The following RGS22 variants were observed in gnomAD, a reference collection of about 807,000 sequenced individuals.
The protein encoded by RGS22 is regulator of G-protein signaling 22.
A neutral mutation model predicts 172.9 loss-of-function variants in RGS22; 148 were observed. The ratio of observed to expected loss-of-function variants is 0.86; its 90% CI spans 0.75 to 0.98. The LOEUF (loss-of-function observed/expected upper bound fraction) is 0.98. Ranked by LOEUF, RGS22 falls within the 50% of genes least tolerant of loss-of-function variation. The pLI is 0.00. For synonymous variants in RGS22, 458 were observed against 480.2 expected (o/e 0.95, Z 0.60); for missense variants, 1,347 against 1,440.8 (o/e 0.93, Z 1.05).
At chr8:100,048,400 T>C (rs1209625469) in intron 10 of RGS22, among the ~76,000 whole-genome samples, 1 of 152,180 alleles carries the variant, frequency 6.6e-6, no homozygotes, top group Non-Finnish European at 1.5e-5. Context: ...AAGTGATTTG[T>C]CTCTTCTCCA....
intron 23 of RGS22, 106 bp from the exon 24 acceptor site, chr8:99,965,536 G>A (rs1411995511): frequency 1.3e-6 from 1 of 784,870 alleles, no homozygotes; most frequent in Non-Finnish European, 2.1e-6. Flanking sequence ...ATTTCATAGT[G>A]AGTGCTGCAC....
In RGS22 at chr8:100,064,119, G is replaced by C; in HGVS notation, c.725-76C>G. 2.7e-6 allele frequency: 3 copies of C among 1,117,924 alleles called. 1 individual carries two copies. The East Asian group carries it at 7.6e-5, about 28-fold the overall frequency. 69.3% of individuals were successfully genotyped at this position (1,117,924 alleles called of 1,614,324 possible). On this transcript the variant is annotated intron_variant, in intron 7 of 27. Coordinates refer to ENST00000360863, the MANE Select transcript of RGS22 (RefSeq NM_015668.5). ...CTTATTATTAAATAGATGCTATAGA[G>C]CCAGAATGGCAAATGGGTTTATCAT...
intron 15 of RGS22, 80 bp downstream of exon 15, chr8:100,008,295 C>G: frequency 1.5e-6 from 2 of 1,378,536 alleles, no homozygotes; most frequent in Non-Finnish European, 2.0e-6. Flanking sequence ...GCCTCGGCCT[C>G]CCAAAGTGCT....
At chr8:99,985,486 C>T (rs6985209) in intron 21 of RGS22, among the ~76,000 whole-genome samples, 27,953 of 152,142 alleles carry the variant, frequency 0.18, 2,975 homozygotes, top group South Asian at 0.25. Flanking sequence ...TCCTCTGTGC[C>T]AAAACCATAC....
At chr8:100,088,532 C>A (rs568853042) in intron 3 of RGS22, among the ~76,000 whole-genome samples, 1 of 152,186 alleles carries the variant, frequency 6.6e-6, no homozygotes, top group African/African-American at 2.4e-5. Flanking sequence ...ACCTCCCAGA[C>A]ACCAAATGAA....
At chr8:100,099,801 C>A (rs949928784) in intron 2 of RGS22, among the ~76,000 whole-genome samples, 4 of 152,148 alleles carry the variant, frequency 2.6e-5, no homozygotes, top group African/African-American at 9.7e-5. Flanking sequence ...TTGTTCACAA[C>A]ACTTCTGGCC....
intron 22 of RGS22, among the ~76,000 whole-genome samples, chr8:99,978,645 C>T (rs143540761): frequency 5.1e-4 from 77 of 152,242 alleles, no homozygotes; most frequent in African/African-American, 1.9e-3. Context: ...AAAAGCAGAA[C>T]GGTATCCTGG....
chr8:100,004,054 G>A lies in RGS22; in HGVS notation c.2499C>T (p.Asn833=), dbSNP rs765774854. The A allele has an allele frequency of 7.5e-6, 12 of 1,606,840 alleles. No homozygotes were observed. Among genetic ancestry groups the A allele is most frequent in the Admixed American group, 5.1e-5 (3 of 59,218 alleles). Residue 833 remains asparagine, a synonymous_variant, in exon 17 of 28, where the codon AAC becomes AAT. Coordinates refer to ENST00000360863, the MANE Select transcript of RGS22 (RefSeq NM_015668.5). ...EIGTGILSLS[N]VSKRTEYWDN... ...CCCAATATTCTGTTCGTTTAGAGAC[G>A]TTAGAGAGTGATAAAATGCCAGTTC...
chr8:100,078,013 C>T (rs960420797), intron 4 of RGS22, among the ~76,000 whole-genome samples: 1 of 152,074 alleles, frequency 6.6e-6, no homozygotes, highest in Non-Finnish European at 1.5e-5. Context: ...CTGAGGGGTG[C>T]TTTGCCAGAT....
At chr8:100,077,906 G>A (rs769589602) in intron 4 of RGS22, among the ~76,000 whole-genome samples, 4 of 151,760 alleles carry the variant, frequency 2.6e-5, no homozygotes, top group Non-Finnish European at 4.4e-5. Flanking sequence ...TCTGTTGTTC[G>A]GTGCATATAT....
chr8:99,962,682 C>T lies in RGS22; in HGVS notation c.3790+5G>A, dbSNP rs1810334104. On this transcript the variant is annotated splice_donor_5th_base_variant and intron_variant, in intron 26 of 27. Transcript: ENST00000360863. The stretch of plus-strand genomic sequence containing the variant: ...AACTGAAGATAGACTACACTGGAAA[C>T]TCACTCTGGCTGCTGTGGGCAGACA... 6.3e-6 allele frequency: 10 copies of T among 1,594,576 alleles called. No individual in the cohort carries two copies. The highest frequency in any genetic ancestry group is 1.7e-4 in the Middle Eastern group (1 of 5,966).
At position 99,962,952 on chromosome 8, in the gene RGS22, T is replaced by C; in HGVS notation, c.3642A>G (p.Ile1214Met). Residue 1214 changes from isoleucine (I) to methionine (M), a missense_variant, in exon 25 of 28, where the codon ATA becomes ATG. Coordinates refer to ENST00000360863, the MANE Select transcript of RGS22 (RefSeq NM_015668.5). ...RQPTWCYSKY[I>M]EALEQERILL... ...GAATTCTCTCCTGTTCTAAGGCTTC[T>C]ATATACTTTGAGTAGCACCAGGTTG... 2 of 1,590,592 alleles carry C rather than the reference T, an allele frequency of 1.3e-6. No homozygotes were observed. The highest frequency in any genetic ancestry group is 1.7e-6 in the Non-Finnish European group (2 of 1,174,512).
At chr8:100,079,325 T>C (rs1319539502) in intron 4 of RGS22, among the ~76,000 whole-genome samples, 1 of 152,188 alleles carries the variant, frequency 6.6e-6, no homozygotes, top group East Asian at 1.9e-4. Flanking sequence ...AAGTTAAAGA[T>C]AGAAACTATT....
chr8:100,105,901 G>C lies in RGS22; in HGVS notation c.21C>G (p.Thr7=). The C allele has an allele frequency of 6.7e-7, 1 of 1,500,486 alleles. No individual in the cohort carries two copies. The highest frequency in any genetic ancestry group is 8.9e-7 in the Non-Finnish European group (1 of 1,127,032). The allele number at this position is 1,500,486 out of a possible 1,614,324, so 92.9% of individuals were successfully genotyped here. A position where few individuals can be genotyped will look rare whatever the true frequency, so the allele number is the denominator to read the frequency against. Residue 7 remains threonine, a synonymous_variant, in exon 1 of 28, where the codon ACC becomes ACG. Transcript: ENST00000360863. MPEKRL[T]AEPPTITEEE... is the part of the protein sequence containing the mutation. ...CCCTGTGGGGCCGCCACCTACCCGC[G>C]GTGAGCCTCTTCTCGGGCATGCCGT...
chr8:100,006,745 T>G (rs1029079946), intron 15 of RGS22, among the ~76,000 whole-genome samples: 2 of 152,086 alleles, frequency 1.3e-5, no homozygotes, highest in African/African-American at 4.8e-5. Context: ...TGGGAAAGAG[T>G]CTACAGAATA....
intron 4 of RGS22, among the ~76,000 whole-genome samples, chr8:100,079,153 T>C (rs1471205110): frequency 6.6e-6 from 1 of 152,232 alleles, no homozygotes; most frequent in African/African-American, 2.4e-5. Flanking sequence ...AAAATTTCTA[T>C]TCACTGAAGG....
At chr8:100,047,963 G>GC (rs1820901600) in intron 10 of RGS22, among the ~76,000 whole-genome samples, 1 of 19,772 alleles carries the variant, frequency 5.1e-5, no homozygotes, top group South Asian at 1.3e-3. Context: ...TGTGTGTACT[G>GC]GGGGGGGGTG....
At chr8:100,029,750 T>C (rs987383620) in intron 14 of RGS22, among the ~76,000 whole-genome samples, 1 of 146,132 alleles carries the variant, frequency 6.8e-6, no homozygotes, top group African/African-American at 2.5e-5. Context: ...GGCATGTGTA[T>C]ACCTATGTAA....
At chr8:99,984,887 T>G (rs150071413) in intron 21 of RGS22, among the ~76,000 whole-genome samples, 80 of 152,188 alleles carry the variant, frequency 5.3e-4, no homozygotes, top group African/African-American at 1.9e-3. Context: ...GAGCAGAACA[T>G]CTTTTCCCAT....
Sources: allele counts gnomAD v4.1 joint callset (sites outside exome capture counted in the v4.1 genomes callset), GRCh38; gene constraint gnomAD v4.1.1; transcripts MANE v1.5; gene names NCBI Gene and HGNC (gene_info 2026-07-23, HGNC 2026-07-21).